VAV1: variants seen among roughly 807,000 people sequenced by gnomAD.
VAV1 encodes the protein proto-oncogene vav.
A neutral mutation model predicts 128.1 loss-of-function variants in VAV1; 33 were observed. That is an observed-to-expected ratio of 0.26 (90% confidence interval 0.20 to 0.34). VAV1 has a LOEUF of 0.34. Ranked by LOEUF, VAV1 falls within the 10% of genes least tolerant of loss-of-function variation. VAV1 has a pLI of 1.00. For missense variants in VAV1, 715 were observed against 1,093.7 expected (o/e 0.65, Z 4.88); for synonymous variants, 394 against 409.8 (o/e 0.96, Z 0.47).
intron 20 of VAV1, 148 bp from the exon 21 acceptor site, chr19:6,836,837 C>CAA (rs1972235355): frequency 1.3e-4 from 1 of 7,966 alleles, no homozygotes; most frequent in Non-Finnish European, 4.1e-4. Flanking sequence ...GAGATGGACA[C>CAA]ACACACACAC....
chr19:6,819,583 T>G (rs1416719091), intron 1 of VAV1, among the ~76,000 whole-genome samples: 1 of 152,226 alleles, frequency 6.6e-6, no homozygotes, highest in Non-Finnish European at 1.5e-5. Context: ...TTGTGTGGAT[T>G]TGCCTGTACT....
At chr19:6,855,342 T>G (rs1022629502) in intron 26 of VAV1, among the ~76,000 whole-genome samples, 2 of 152,206 alleles carry the variant, frequency 1.3e-5, no homozygotes, top group African/African-American at 4.8e-5. Context: ...GAGAGGCTTT[T>G]GGAGCATTGA....
At chr19:6,807,386 T>A (rs967401788) in intron 1 of VAV1, among the ~76,000 whole-genome samples, 1 of 151,922 alleles carries the variant, frequency 6.6e-6, no homozygotes, top group Admixed American at 6.6e-5. Flanking sequence ...ATCCCTCACA[T>A]GTGGAGTTCA....
intron 21 of VAV1, among the ~76,000 whole-genome samples, chr19:6,839,328 A>G (rs1267000439): frequency 1.3e-5 from 2 of 151,390 alleles, no homozygotes; most frequent in African/African-American, 2.4e-5. Context: ...TTTTTCTTTT[A>G]AAAAATTGAG....
chr19:6,849,564 C>T (rs150572457), intron 23 of VAV1, among the ~76,000 whole-genome samples: 308 of 151,962 alleles, frequency 2.0e-3, no homozygotes, highest in African/African-American at 6.9e-3. Flanking sequence ...CCACCTGCCT[C>T]GGCCTCTCAA....
chr19:6,855,099 A>G (rs1972759469), intron 26 of VAV1, among the ~76,000 whole-genome samples: 1 of 152,236 alleles, frequency 6.6e-6, no homozygotes, highest in African/African-American at 2.4e-5. Flanking sequence ...CCATGAAGGC[A>G]GAGCACCTTC....
chr19:6,773,383 G>A (rs1040193492), intron 1 of VAV1, among the ~76,000 whole-genome samples: 1 of 152,204 alleles, frequency 6.6e-6, no homozygotes, highest in Non-Finnish European at 1.5e-5. Context: ...GGTTACCTGA[G>A]GCTTTGGACT....
chr19:6,820,840 C>T lies in VAV1; in HGVS notation c.321+22C>T. 6 of 1,603,466 alleles carry T rather than the reference C, an allele frequency of 3.7e-6. No individual in the cohort carries two copies. Among genetic ancestry groups the T allele is most frequent in the Non-Finnish European group, 5.1e-6 (6 of 1,170,338 alleles). On this transcript the variant is annotated intron_variant, in intron 2 of 26. Coordinates refer to ENST00000602142, the MANE Select transcript of VAV1 (RefSeq NM_005428.4). This position sits in a 1 kb window ranked among gnomAD's most constrained non-coding sequence, Gnocchi z 4.4. ...CAAGGTGAGCTGCACACTTGAAGCCCAAAGACTGAGTTTCAGTTAATTTCT... is the reference window on the plus strand; with the variant it reads ...CAAGGTGAGCTGCACACTTGAAGCCTAAAGACTGAGTTTCAGTTAATTTCT...
chr19:6,841,380 T>C (rs1972373556), intron 21 of VAV1, among the ~76,000 whole-genome samples: 1 of 152,130 alleles, frequency 6.6e-6, no homozygotes, highest in Non-Finnish European at 1.5e-5. Context: ...TGCTTTCAAT[T>C]CCTTTGGGTA....
intron 21 of VAV1, among the ~76,000 whole-genome samples, chr19:6,841,490 TTTTGATAGGGAG>T (rs1377301668): frequency 6.6e-6 from 1 of 151,160 alleles, no homozygotes; most frequent in Non-Finnish European, 1.5e-5. Context: ...TTTTTTTTTT[TTTTGATAGGGAG>T]TTTTGCTCTG....
At chr19:6,817,998 T>C (rs1389253000) in intron 1 of VAV1, among the ~76,000 whole-genome samples, 5 of 152,136 alleles carry the variant, frequency 3.3e-5, no homozygotes, top group Non-Finnish European at 7.4e-5. Flanking sequence ...AAATTTGTTT[T>C]TGTAGAAATG....
chr19:6,828,596 C>G lies in VAV1; in HGVS notation c.1093-26C>G, dbSNP rs369840682. 9 of 1,613,518 alleles carry G rather than the reference C, an allele frequency of 5.6e-6. No homozygotes were observed. In the African/African-American group the frequency reaches 1.2e-4, roughly 22 times the overall value. On this transcript the variant is annotated intron_variant, in intron 11 of 26. Coordinates refer to ENST00000602142, the MANE Select transcript of VAV1 (RefSeq NM_005428.4). This position sits in a 1 kb window ranked among gnomAD's most constrained non-coding sequence, Gnocchi z 4.5. Reference sequence around the variant, plus strand: ...GAGCCTGGGTCGGCTGTTGGGGGGCCAGGTTCACCCCTGCCCCCTCCCCAG... The same window carrying G: ...GAGCCTGGGTCGGCTGTTGGGGGGCGAGGTTCACCCCTGCCCCCTCCCCAG...
chr19:6,814,686 T>TCTCTCTCTCTC (rs1568299290), intron 1 of VAV1, among the ~76,000 whole-genome samples: 1 of 118,040 alleles, frequency 8.5e-6, no homozygotes, highest in African/African-American at 4.0e-5. Context: ...CTTTCTTTCT[T>TCTCTCTCTCTC]TCTTTCTTTC....
chr19:6,845,569 C>T (rs953116312), intron 22 of VAV1, among the ~76,000 whole-genome samples: 9 of 151,108 alleles, frequency 6.0e-5, no homozygotes, highest in African/African-American at 2.2e-4. Flanking sequence ...ATAATTAATA[C>T]TTATCATTTA....
rs529890879 is a variant in VAV1 at position 6,814,996 on chromosome 19, G to A, written c.205-5706G>A. 9.9e-5 allele frequency among the ~76,000 whole-genome samples: 15 copies of A among 151,668 alleles called. No individual in the cohort carries two copies. In the South Asian group the frequency reaches 1.7e-3, roughly 17 times the overall value. ...CAGGAATGAATGTTGAGTTGCTACC[G>A]CATCTTTCATGTGTCTTCTGTTGCA... On this transcript the variant is annotated intron_variant, in intron 1 of 26. Coordinates refer to ENST00000602142, the MANE Select transcript of VAV1 (RefSeq NM_005428.4).
intron 1 of VAV1, among the ~76,000 whole-genome samples, chr19:6,793,303 C>T (rs935640049): frequency 6.6e-6 from 1 of 151,818 alleles, no homozygotes; most frequent in Non-Finnish European, 1.5e-5. Context: ...CACTGCACTC[C>T]AGCCTGGGTG....
At position 6,853,048 on chromosome 19, in the gene VAV1, G is replaced by A. The variant is rs760094090; in HGVS notation, c.2301G>A (p.Glu767=). Residue 767 remains glutamate, a synonymous_variant, in exon 25 of 27, where the codon GAG becomes GAA. Transcript: ENST00000602142. ...CCACCTTGCAGTTCCCCTTCAAGGA[G>A]CCTGAAAAGAGAACCATCAGCAGGC... ...LDTTLQFPFK[E]PEKRTISRPA... is the part of the protein sequence containing the mutation. The A allele has an allele frequency of 1.2e-6, 2 of 1,611,582 alleles. No homozygotes were observed. The highest frequency in any genetic ancestry group is 1.1e-5 in the South Asian group (1 of 91,060).
rs941405486 is a variant in VAV1 at position 6,832,912 on chromosome 19, C to T, written c.1509-272C>T. 2.0e-5 allele frequency among the ~76,000 whole-genome samples: 3 copies of T among 152,158 alleles called. No individual in the cohort carries two copies. In the East Asian group the frequency reaches 5.8e-4, roughly 29 times the overall value. On this transcript the variant is annotated intron_variant, in intron 15 of 26. Coordinates refer to ENST00000602142, the MANE Select transcript of VAV1 (RefSeq NM_005428.4). ...CTATCCAGTTTCAAAACCTTTTCAT[C>T]AGCCCAAAGGAGACCTCATACCCAT...
Position 6,820,063 on chromosome 19 carries a change from A to G in VAV1, c.205-639A>G, listed in dbSNP as rs1342002338. ...GCCAGGCATGGTGGCTCCCACCTGT[A>G]ATCTCAGCACTTTAGGAGGCCAAGG... On this transcript the variant is annotated intron_variant, in intron 1 of 26. Coordinates refer to ENST00000602142, the MANE Select transcript of VAV1 (RefSeq NM_005428.4). The surrounding 1 kb of genome is among the most constrained non-coding windows in gnomAD (Gnocchi z 4.4). 6.6e-6 allele frequency among the ~76,000 whole-genome samples: 1 copy of G among 152,188 alleles called. No individual in the cohort carries two copies. The highest frequency in any genetic ancestry group is 1.5e-5 in the Non-Finnish European group (1 of 68,028).
Sources: gnomAD v4.1 joint callset for allele counts (sites outside exome capture counted in the v4.1 genomes callset) on GRCh38, gnomAD v4.1.1 for gene constraint, Gnocchi (gnomAD v3.1) non-coding constraint, MANE v1.5 for transcripts, NCBI Gene and HGNC (gene_info 2026-07-23, HGNC 2026-07-21) for gene names.